The following FGF13 variants were observed in gnomAD, a reference collection of about 807,000 sequenced individuals.
FGF13 encodes fibroblast growth factor 13.
In FGF13, 2 loss-of-function variants were observed where a neutral mutation model predicts 19.5. The observed-to-expected ratio is 0.10, with a 90% CI of 0.04 to 0.32. FGF13 has a LOEUF of 0.32. Among genes scored for constraint, FGF13 ranks in the 10% least tolerant of loss-of-function variants. The pLI, the probability that FGF13 is intolerant of heterozygous loss-of-function variation, is 1.00. For missense variants in FGF13, 113 were observed against 192.7 expected, an observed-to-expected ratio of 0.59 and a Z score of 2.45; for synonymous variants, 72 against 76.9, an observed-to-expected ratio of 0.94 and a Z score of 0.33.
At chrX:138,916,807 T>C (rs1033479517) in intron 1 of FGF13, among the ~76,000 whole-genome samples, 2 of 111,919 alleles carry the variant, frequency 1.8e-5, no homozygotes, top group African/African-American at 6.5e-5. Flanking sequence ...AGAACACTGA[T>C]TTCTACAAAG....
chrX:139,191,156 T>C (rs944331356), intron 1 of FGF13, among the ~76,000 whole-genome samples: 51 of 112,063 alleles, frequency 4.6e-4, no homozygotes, highest in Middle Eastern at 4.6e-3. Flanking sequence ...CTTCCAGCCA[T>C]GTAAAACAAG....
chrX:138,794,396 G>T (rs1317627608), intron 3 of FGF13, among the ~76,000 whole-genome samples: 1 of 111,863 alleles, frequency 8.9e-6, no homozygotes, highest in Non-Finnish European at 1.9e-5. Flanking sequence ...GTGAAGGCAT[G>T]CACTTGAGTA....
intron 1 of FGF13, among the ~76,000 whole-genome samples, chrX:139,005,744 AC>A (rs1401389541): frequency 2.8e-5 from 3 of 106,413 alleles, no homozygotes; most frequent in Non-Finnish European, 5.7e-5. Context: ...ATTGAAATAA[AC>A]AAAAAAAAAC....
intron 1 of FGF13, among the ~76,000 whole-genome samples, chrX:138,960,898 T>C (rs1282419866): frequency 8.9e-6 from 1 of 111,804 alleles, no homozygotes; most frequent in East Asian, 2.8e-4. Flanking sequence ...TTATTCTAGT[T>C]AGCCATTTGT....
rs904084583 is a variant in FGF13, at chrX:138,945,996, T to A, written c.-112-81346A>T. On this transcript the variant is annotated intron_variant, in intron 1 of 2. Transcript: ENST00000421460. ...TCAGTTAAAAAGTCAATGTACTGAA[T>A]TTAAAGAGTTATGGTGGTTTAAAGC... Among the ~76,000 whole-genome samples the A allele has an allele frequency of 5.3e-4, 59 of 111,773 alleles. 1 individual carries two copies. The highest frequency in any genetic ancestry group is 1.8e-3 in the African/African-American group (56 of 30,781).
chrX:138,650,866 T>C (rs1466277042), intron 3 of FGF13, among the ~76,000 whole-genome samples: 2 of 111,786 alleles, frequency 1.8e-5, no homozygotes, highest in Admixed American at 9.6e-5. Context: ...TCCTCTTATC[T>C]AGCTGTAATT....
intron 1 of FGF13, among the ~76,000 whole-genome samples, chrX:138,893,489 G>A (rs965531799): frequency 1.8e-5 from 2 of 111,045 alleles, no homozygotes; most frequent in Non-Finnish European, 1.9e-5. Flanking sequence ...TGCCTAGAGA[G>A]ATGAAATGAC....
intron 3 of FGF13, among the ~76,000 whole-genome samples, chrX:138,781,334 A>C (rs1352638027): frequency 1.8e-5 from 2 of 109,970 alleles, no homozygotes; most frequent in Non-Finnish European, 3.8e-5. Flanking sequence ...AACTGAAGGA[A>C]ATAGAGACAC....
intron 1 of FGF13, among the ~76,000 whole-genome samples, chrX:139,010,898 G>C (rs1002658197): frequency 9.0e-6 from 1 of 110,944 alleles, no homozygotes; most frequent in African/African-American, 3.3e-5. Context: ...AAAATTGATA[G>C]ACAATTAGTG....
intron 1 of FGF13, among the ~76,000 whole-genome samples, chrX:138,927,830 A>G (rs772114944): frequency 2.8e-4 from 31 of 112,039 alleles, no homozygotes; most frequent in Admixed American, 1.2e-3. Flanking sequence ...CTGGGGGTCT[A>G]TATAAATTGG....
Position 138,630,116 on chromosome X carries a change from CT to C in FGF13, c.*2733del, listed in dbSNP as rs2089101860. On this transcript the variant is annotated 3_prime_UTR_variant, in exon 5 of 5. Transcript: ENST00000315930. ...GGAAGGTTTGAGGACTATTTATTTA[CT>C]TATTAATTTATTTTAACACCACTGT... 2.7e-5 allele frequency: 3 copies of C among 110,566 alleles called. No individual in the cohort carries two copies. In the Admixed American group the frequency reaches 2.9e-4, roughly 11 times the overall value. 9.1% of individuals were successfully genotyped at this position (110,566 alleles called of 1,213,427 possible). A position where few individuals can be genotyped will look rare whatever the true frequency, so the allele number is the denominator to read the frequency against.
At chrX:138,822,654 A>C (rs2091007032) in intron 3 of FGF13, among the ~76,000 whole-genome samples, 1 of 112,333 alleles carries the variant, frequency 8.9e-6, no homozygotes, top group Non-Finnish European at 1.9e-5. Flanking sequence ...CAGATACAGG[A>C]ATCCGAAATT....
At chrX:138,793,690 G>A (rs1174575341) in intron 3 of FGF13, among the ~76,000 whole-genome samples, 5 of 111,634 alleles carry the variant, frequency 4.5e-5, no homozygotes, top group African/African-American at 9.8e-5. Flanking sequence ...AACTTCATCT[G>A]AAGATTCATG....
intron 1 of FGF13, among the ~76,000 whole-genome samples, chrX:139,099,841 G>A (rs1486646307): frequency 9.0e-6 from 1 of 110,900 alleles, no homozygotes; most frequent in Non-Finnish European, 1.9e-5. Context: ...AACCTTAAAA[G>A]GTGTGAAAAC....
At chrX:138,752,363 T>C (rs987115446) in intron 3 of FGF13, among the ~76,000 whole-genome samples, 2 of 110,247 alleles carry the variant, frequency 1.8e-5, no homozygotes, top group Non-Finnish European at 3.8e-5. Context: ...GGGGCAGAGG[T>C]TGCAGTGAGC....
At chrX:138,910,197 C>T (rs1364509777) in intron 1 of FGF13, among the ~76,000 whole-genome samples, 1 of 111,014 alleles carries the variant, frequency 9.0e-6, no homozygotes, top group African/African-American at 3.3e-5. Flanking sequence ...AGGAGTCCAC[C>T]TCAAGCTCAA....
chrX:139,085,662 G>A (rs998588227), intron 1 of FGF13, among the ~76,000 whole-genome samples: 1 of 111,577 alleles, frequency 9.0e-6, no homozygotes, highest in African/African-American at 3.3e-5. Context: ...CATAGATATA[G>A]GCACAAATTT....
rs1331821579 is a variant in FGF13 at position 138,835,273 on chromosome X, G to A, written c.217+22239C>T. 4.8e-4 allele frequency among the ~76,000 whole-genome samples: 54 copies of A among 111,947 alleles called. No individual in the cohort carries two copies. The Admixed American group carries it at 5.1e-3, about 11-fold the overall frequency. ...GTTATTAAAGTCTCCCACTGTTATT[G>A]TGTGAGAGTCTAAGTCTCTTTGAAG... is the stretch of plus-strand genomic sequence containing the variant. On this transcript the variant is annotated intron_variant, in intron 3 of 6. Coordinates refer to the FGF13 transcript ENST00000436198.
chrX:139,177,303 G>A (rs1286319197), intron 1 of FGF13, among the ~76,000 whole-genome samples: 2 of 88,527 alleles, frequency 2.3e-5, no homozygotes, highest in Non-Finnish European at 2.1e-5. Flanking sequence ...TTCACTTTGA[G>A]CCTCTGTGTG....
Sources: allele counts gnomAD v4.1 joint callset (sites outside exome capture counted in the v4.1 genomes callset), GRCh38; gene constraint gnomAD v4.1.1; transcripts MANE v1.5; gene names NCBI Gene and HGNC (gene_info 2026-07-23, HGNC 2026-07-21).